LRFN5: variants seen among roughly 807,000 people sequenced by gnomAD.
LRFN5 encodes the protein leucine rich repeat and fibronectin type III domain containing 5.
Under a neutral mutation model 45.6 loss-of-function variants are expected in LRFN5, and 24 were observed. That is an observed-to-expected ratio of 0.53 (90% CI 0.38 to 0.74). The LOEUF is 0.74. LRFN5 is among the 30% of genes least tolerant of loss of function. The probability of loss-of-function intolerance (pLI) is 0.00; values close to 1 mark genes in which losing one functional copy is unlikely to be tolerated. For synonymous variants in LRFN5, 340 were observed against 313.8 expected, an observed-to-expected ratio of 1.08 and a Z score of -0.88; for missense variants, 776 against 861.5, an observed-to-expected ratio of 0.90 and a Z score of 1.24.
chr14:41,791,639 A>C (rs1223644870), intron 2 of LRFN5, among the ~76,000 whole-genome samples: 5 of 152,064 alleles, frequency 3.3e-5, no homozygotes, highest in African/African-American at 1.2e-4. Flanking sequence ...CATTTTAAAA[A>C]ATGTTTCCTG....
chr14:41,822,969 T>C (rs1415548197), intron 2 of LRFN5, among the ~76,000 whole-genome samples: 1 of 151,038 alleles, frequency 6.6e-6, no homozygotes, highest in African/African-American at 2.4e-5. Context: ...TAGCTACTCC[T>C]GCTCACTTTT....
chr14:41,787,191 T>C (rs1652241848), intron 2 of LRFN5, among the ~76,000 whole-genome samples: 1 of 152,128 alleles, frequency 6.6e-6, no homozygotes, highest in Admixed American at 6.6e-5. Context: ...TTTAGCTGGA[T>C]ACCAGACATA....
At chr14:41,859,679 C>G (rs1201631003) in intron 2 of LRFN5, among the ~76,000 whole-genome samples, 2 of 152,174 alleles carry the variant, frequency 1.3e-5, no homozygotes, top group African/African-American at 2.4e-5. Flanking sequence ...AGAAAACACT[C>G]AAACATTCTC....
intron 1 of LRFN5, chr14:41,610,103 G>C (rs917722294): frequency 3.3e-5 from 5 of 152,660 alleles, no homozygotes; most frequent in Non-Finnish European, 7.3e-5. Context: ...CACTTTCTCC[G>C]GGCAGGGCGG....
At chr14:41,622,961 AT>A (rs1355222638) in intron 1 of LRFN5, among the ~76,000 whole-genome samples, 1 of 152,264 alleles carries the variant, frequency 6.6e-6, no homozygotes, top group East Asian at 1.9e-4. Flanking sequence ...AACGAACTCA[AT>A]TTTAACTGAG....
At chr14:41,661,512 A>G (rs1036346851) in intron 1 of LRFN5, among the ~76,000 whole-genome samples, 1 of 152,106 alleles carries the variant, frequency 6.6e-6, no homozygotes, top group African/African-American at 2.4e-5. Context: ...AGTTAAATAA[A>G]TAAATAATTA....
intron 2 of LRFN5, among the ~76,000 whole-genome samples, chr14:41,770,881 C>G (rs1251662328): frequency 6.6e-6 from 1 of 152,016 alleles, no homozygotes; most frequent in Non-Finnish European, 1.5e-5. Context: ...CAGCATTGCC[C>G]TGGTAGAGTT....
intron 2 of LRFN5, among the ~76,000 whole-genome samples, chr14:41,851,325 A>G (rs1050777927): frequency 5.3e-5 from 8 of 151,804 alleles, no homozygotes; most frequent in African/African-American, 1.9e-4. Context: ...TTTACTACTC[A>G]GTTTACATGC....
intron 1 of LRFN5, among the ~76,000 whole-genome samples, chr14:41,683,952 A>C (rs533822919): frequency 2.6e-5 from 4 of 152,336 alleles, no homozygotes; most frequent in Admixed American, 6.5e-5. Context: ...AACAATCCCC[A>C]AAATTATGTG....
rs538957760 is a variant in LRFN5, at chr14:41,660,121, G to C, written c.-197+51559G>C. Among the ~76,000 whole-genome samples the C allele has an allele frequency of 2.0e-5, 3 of 152,090 alleles. No individual in the cohort carries two copies. The South Asian group carries it at 6.2e-4, about 32-fold the overall frequency. On this transcript the variant is annotated intron_variant, in intron 1 of 5. Transcript: ENST00000298119. ...GCTCGCTGCAACAACTGCTTACTGG[G>C]TTCAAAGGATTCTTCTGCCCCAGCC... is the stretch of plus-strand genomic sequence containing the variant.
At chr14:41,655,310 G>A (rs1880326877) in intron 1 of LRFN5, among the ~76,000 whole-genome samples, 1 of 151,978 alleles carries the variant, frequency 6.6e-6, no homozygotes, top group Non-Finnish European at 1.5e-5. Flanking sequence ...ACTAGTGGGA[G>A]AAATCCTCAC....
At chr14:41,715,942 C>T (rs768236635) in intron 1 of LRFN5, among the ~76,000 whole-genome samples, 3 of 151,338 alleles carry the variant, frequency 2.0e-5, no homozygotes, top group Admixed American at 6.6e-5. Context: ...GGCATTCAGG[C>T]GTTTCCATAC....
intron 1 of LRFN5, among the ~76,000 whole-genome samples, chr14:41,762,237 C>T (rs957683975): frequency 6.6e-6 from 1 of 151,330 alleles, no homozygotes; most frequent in Non-Finnish European, 1.5e-5. Context: ...ATTACAAATG[C>T]AGTAATAAAA....
At chr14:41,869,788 G>C (rs1461032489) in intron 2 of LRFN5, among the ~76,000 whole-genome samples, 1 of 151,920 alleles carries the variant, frequency 6.6e-6, no homozygotes, top group East Asian at 1.9e-4. Flanking sequence ...ACTATCATGA[G>C]AACAGCAAGA....
intron 2 of LRFN5, among the ~76,000 whole-genome samples, chr14:41,871,473 C>A (rs931132326): frequency 3.3e-5 from 5 of 151,934 alleles, no homozygotes; most frequent in Middle Eastern, 3.2e-3. Flanking sequence ...CCTGTAATCC[C>A]AGCTATTTGG....
chr14:41,795,424 T>G (rs1032194820), intron 2 of LRFN5, among the ~76,000 whole-genome samples: 2 of 152,256 alleles, frequency 1.3e-5, no homozygotes, highest in Admixed American at 6.6e-5. Context: ...ATCCCATTAC[T>G]GGGTATATAC....
chr14:41,823,792 C>G (rs774849218), intron 2 of LRFN5, among the ~76,000 whole-genome samples: 1 of 152,134 alleles, frequency 6.6e-6, no homozygotes, highest in Non-Finnish European at 1.5e-5. Flanking sequence ...TTCTTCTTCT[C>G]TCTCAGAAAT....
At chr14:41,735,539 T>C (rs1030441959) in intron 1 of LRFN5, among the ~76,000 whole-genome samples, 2 of 152,304 alleles carry the variant, frequency 1.3e-5, no homozygotes, top group Non-Finnish European at 2.9e-5. Context: ...CCCCACGTGC[T>C]GGGATTATAG....
chr14:41,782,205 G>A (rs935395533), intron 2 of LRFN5, among the ~76,000 whole-genome samples: 5 of 151,194 alleles, frequency 3.3e-5, no homozygotes, highest in South Asian at 2.1e-4. Context: ...TGGATATTCC[G>A]TTTCTTTTTA....
Sources: gnomAD v4.1 joint callset for allele counts (sites outside exome capture counted in the v4.1 genomes callset) on GRCh38, gnomAD v4.1.1 for gene constraint, MANE v1.5 for transcripts, NCBI Gene and HGNC (gene_info 2026-07-23, HGNC 2026-07-21) for gene names.